TSHR: variants seen among roughly 807,000 people sequenced by gnomAD.
The protein encoded by TSHR is thyrotropin receptor.
TSHR carries 51 observed loss-of-function variants against 64.1 expected under a neutral mutation model. The observed-to-expected ratio is 0.80, with a 90% CI of 0.64 to 1.01. The LOEUF (loss-of-function observed/expected upper bound fraction) is 1.01, where lower values mean the gene tolerates loss of function less well. TSHR is among the 50% of genes least tolerant of loss of function. The pLI is 0.00. For missense variants in TSHR, 877 were observed against 942.8 expected (o/e 0.93, Z 0.91); for synonymous variants, 361 against 361.9 (o/e 1.00, Z 0.03).
At chr14:80,957,470 A>C (rs566078646) in intron 1 of TSHR, among the ~76,000 whole-genome samples, 46 of 152,292 alleles carry the variant, frequency 3.0e-4, no homozygotes, top group East Asian at 1.2e-3. Context: ...AAAAAACAAA[A>C]AAAAAAAAAC....
At chr14:80,992,591 C>T (rs910839007) in intron 1 of TSHR, 1 of 151,812 alleles carries the variant, frequency 6.6e-6, no homozygotes, top group African/African-American at 2.4e-5. Context: ...TTCATATGAC[C>T]CCCCCAAACC....
At chr14:81,101,960 A>T (rs562290858) in intron 7 of TSHR, among the ~76,000 whole-genome samples, 10 of 152,246 alleles carry the variant, frequency 6.6e-5, no homozygotes, top group African/African-American at 2.2e-4. Flanking sequence ...TCACAAAGTC[A>T]GGAGATCGAG....
intron 1 of TSHR, among the ~76,000 whole-genome samples, chr14:81,055,940 C>T (rs1229185268): frequency 6.6e-6 from 1 of 151,942 alleles, no homozygotes; most frequent in African/African-American, 2.4e-5. Flanking sequence ...GGTTTTGAAA[C>T]ATAAGGACAT....
intron 8 of TSHR, among the ~76,000 whole-genome samples, chr14:81,120,111 A>AT (rs1164169777): frequency 6.8e-6 from 1 of 147,916 alleles, no homozygotes; most frequent in African/African-American, 2.5e-5. Context: ...GCGCACCAGC[A>AT]TGGCACATGT....
chr14:81,113,801 C>A (rs1426754888), intron 8 of TSHR, among the ~76,000 whole-genome samples: 1 of 152,020 alleles, frequency 6.6e-6, no homozygotes, highest in Non-Finnish European at 1.5e-5. Context: ...TCAATTAAAT[C>A]TTAAGTGTTC....
At chr14:81,000,067 G>A (rs1023630736) in intron 1 of TSHR, among the ~76,000 whole-genome samples, 1 of 151,834 alleles carries the variant, frequency 6.6e-6, no homozygotes. Context: ...GAGTAGCTGG[G>A]ACTACAGGCG....
At chr14:80,991,457 T>C in intron 1 of TSHR, 1 of 394,422 alleles carries the variant, frequency 2.5e-6, no homozygotes, top group Admixed American at 4.4e-5. Flanking sequence ...GGGCAAAATT[T>C]GAAAGCAATT....
chr14:80,967,055 C>T (rs1175029683), intron 1 of TSHR, among the ~76,000 whole-genome samples: 1 of 151,832 alleles, frequency 6.6e-6, no homozygotes, highest in Non-Finnish European at 1.5e-5. Flanking sequence ...TTGGGGGACA[C>T]ACAAACATTC....
At chr14:81,061,398 G>A (rs1311048592) in intron 1 of TSHR, among the ~76,000 whole-genome samples, 1 of 152,046 alleles carries the variant, frequency 6.6e-6, no homozygotes, top group East Asian at 1.9e-4. Context: ...CAACCTAAAT[G>A]TCCATCAGTG....
chr14:80,998,738 A>C (rs546802527), intron 1 of TSHR, among the ~76,000 whole-genome samples: 2 of 152,142 alleles, frequency 1.3e-5, no homozygotes, highest in African/African-American at 4.8e-5. Context: ...TGTGCAATAG[A>C]GTAGAAGGAA....
At chr14:81,014,805 C>A (rs1170768028) in intron 1 of TSHR, among the ~76,000 whole-genome samples, 7 of 152,322 alleles carry the variant, frequency 4.6e-5, no homozygotes, top group Admixed American at 1.3e-4. Context: ...TTCCTAAATG[C>A]CTTCCAAAGC....
intron 1 of TSHR, among the ~76,000 whole-genome samples, chr14:80,975,915 A>ATTTT (rs33975260): frequency 1.7e-4 from 24 of 142,852 alleles, no homozygotes; most frequent in Admixed American, 4.9e-4. Flanking sequence ...CAGCAAATGC[A>ATTTT]TTTTTTTTTT....
intron 8 of TSHR, among the ~76,000 whole-genome samples, chr14:81,131,855 G>GA (rs562879556): frequency 9.5e-4 from 145 of 152,052 alleles, no homozygotes; most frequent in African/African-American, 3.4e-3. Context: ...ACTTTTTTAA[G>GA]AAAAAATTAC....
At chr14:81,077,207 G>A (rs1887568143) in intron 3 of TSHR, among the ~76,000 whole-genome samples, 1 of 152,200 alleles carries the variant, frequency 6.6e-6, no homozygotes, top group Admixed American at 6.5e-5. Context: ...CAATGCAGAT[G>A]TTTGATAATA....
At chr14:81,072,019 G>T (rs1887107975) in intron 3 of TSHR, among the ~76,000 whole-genome samples, 1 of 152,170 alleles carries the variant, frequency 6.6e-6, no homozygotes, top group Non-Finnish European at 1.5e-5. Flanking sequence ...GTTTGTGAAT[G>T]AACTGAGCAA....
chr14:81,054,250 A>AG (rs1885614871), intron 1 of TSHR, among the ~76,000 whole-genome samples: 1 of 152,176 alleles, frequency 6.6e-6, no homozygotes, highest in South Asian at 2.1e-4. Flanking sequence ...GTAAGATGTG[A>AG]CTTGCTCCTC....
At chr14:81,070,597 G>C (rs1260417730) in intron 3 of TSHR, among the ~76,000 whole-genome samples, 1 of 118,452 alleles carries the variant, frequency 8.4e-6, no homozygotes, top group Non-Finnish European at 1.6e-5. Flanking sequence ...CTACACTCCA[G>C]CCTGGGCAAC....
chr14:81,130,509 C>T (rs896891274), intron 8 of TSHR, among the ~76,000 whole-genome samples: 4 of 152,028 alleles, frequency 2.6e-5, no homozygotes, highest in Non-Finnish European at 5.9e-5. Flanking sequence ...GTTTTTCTAG[C>T]TCTTCTTCTT....
rs1324596965 is a variant in TSHR, at chr14:81,004,301, G to T, written c.170+48451G>T. Among the ~76,000 whole-genome samples the T allele has an allele frequency of 2.8e-4, 42 of 152,164 alleles. 1 individual carries two copies. Among genetic ancestry groups the T allele is most frequent in the Admixed American group, 2.7e-3 (42 of 15,280 alleles). On this transcript the variant is annotated intron_variant, in intron 1 of 9. Transcript: ENST00000298171. ...AATCTGCCAAAGAAAATGCTCCCAA[G>T]AAGGTGATTCTGATATCTCCTATAT...
Sources: allele counts gnomAD v4.1 joint callset (sites outside exome capture counted in the v4.1 genomes callset), GRCh38; gene constraint gnomAD v4.1.1; transcripts MANE v1.5; gene names NCBI Gene and HGNC (gene_info 2026-07-23, HGNC 2026-07-21).